The following THADA variants were observed in gnomAD, a reference collection of about 807,000 sequenced individuals.
The protein encoded by THADA is tRNA (32-2'-O)-methyltransferase regulator THADA.
A neutral mutation model predicts 219.8 loss-of-function variants in THADA; 213 were observed. The ratio of observed to expected loss-of-function variants is 0.97; its 90% CI spans 0.87 to 1.09. The LOEUF is 1.09. Among genes scored for constraint, THADA ranks in the 50% least tolerant of loss-of-function variants. THADA has a pLI of 0.00. For synonymous variants in THADA, 1,018 were observed against 828.9 expected (o/e 1.23, Z -3.92); for missense variants, 2,956 against 2,311.3 (o/e 1.28, Z -5.72).
chr2:43,579,400 CCAAA>C (rs1700180218), intron 8 of THADA, among the ~76,000 whole-genome samples: 2 of 152,180 alleles, frequency 1.3e-5, no homozygotes, highest in Admixed American at 1.3e-4. Context: ...CCCATAGCAA[CCAAA>C]CAGTTTTGAC....
chr2:43,554,013 CA>C (rs1558961039), intron 17 of THADA, among the ~76,000 whole-genome samples: 1 of 152,140 alleles, frequency 6.6e-6, no homozygotes, highest in African/African-American at 2.4e-5. Flanking sequence ...ATATACTAGA[CA>C]AAAGTCCCTT....
intron 26 of THADA, among the ~76,000 whole-genome samples, chr2:43,456,533 A>G (rs1683018266): frequency 6.6e-6 from 1 of 152,164 alleles, no homozygotes; most frequent in African/African-American, 2.4e-5. Flanking sequence ...CAACCTTGCT[A>G]AATAATTTTA....
At position 43,582,360 on chromosome 2, in the gene THADA, G is replaced by C. The variant is rs866266803; in HGVS notation, c.534-432C>G. Among the ~76,000 whole-genome samples the C allele has an allele frequency of 3.3e-5, 5 of 151,890 alleles. No homozygotes were observed. The South Asian group carries it at 1.0e-3, about 32-fold the overall frequency. ...AAAAATACAAAAATTAGCCAGGTGTGGTGGCACATGCCCGTAATCCCAGCT... is the reference window on the plus strand; with the variant it reads ...AAAAATACAAAAATTAGCCAGGTGTCGTGGCACATGCCCGTAATCCCAGCT... On this transcript the variant is annotated intron_variant, in intron 7 of 37. Transcript: ENST00000405975.
intron 29 of THADA, among the ~76,000 whole-genome samples, chr2:43,375,610 C>A (rs1671282299): frequency 6.6e-6 from 1 of 152,128 alleles, no homozygotes; most frequent in African/African-American, 2.4e-5. Flanking sequence ...GCATGCACTT[C>A]AAAATAATTT....
chr2:43,329,351 T>C, intron 30 of THADA, among the ~76,000 whole-genome samples: 1 of 152,082 alleles, frequency 6.6e-6, no homozygotes, highest in East Asian at 1.9e-4. Flanking sequence ...AAAGGATAAA[T>C]AGGTGAGGTG....
chr2:43,371,658 T>C (rs1011327561), intron 29 of THADA, among the ~76,000 whole-genome samples: 2 of 152,228 alleles, frequency 1.3e-5, no homozygotes, highest in African/African-American at 4.8e-5. Flanking sequence ...TTGATTCTTT[T>C]GTTAACTCAC....
chr2:43,327,100 GGATT>G (rs1360010707), intron 30 of THADA, among the ~76,000 whole-genome samples: 2 of 152,064 alleles, frequency 1.3e-5, no homozygotes, highest in African/African-American at 4.8e-5. Flanking sequence ...TAAAAACAGA[GGATT>G]GATTTGATTG....
intron 26 of THADA, among the ~76,000 whole-genome samples, chr2:43,479,697 A>G (rs1266886522): frequency 6.6e-6 from 1 of 152,134 alleles, no homozygotes; most frequent in Non-Finnish European, 1.5e-5. Flanking sequence ...TTCTAACCAG[A>G]AAACTAAGAT....
chr2:43,548,586 C>G (rs1440276093), intron 20 of THADA, among the ~76,000 whole-genome samples: 2 of 152,124 alleles, frequency 1.3e-5, no homozygotes, highest in Admixed American at 1.3e-4. Flanking sequence ...GCGCCCCTCC[C>G]CCAGCCTCGA....
At chr2:43,572,100 C>T (rs1024010687) in intron 12 of THADA, among the ~76,000 whole-genome samples, 4 of 152,064 alleles carry the variant, frequency 2.6e-5, no homozygotes, top group African/African-American at 9.7e-5. Flanking sequence ...ATTTTTATTC[C>T]GTGGTAATGC....
chr2:43,519,221 C>T (rs1168762626), intron 22 of THADA, among the ~76,000 whole-genome samples: 2 of 151,966 alleles, frequency 1.3e-5, no homozygotes, highest in Non-Finnish European at 2.9e-5. Context: ...CATGTTTTAT[C>T]AATATTTTTA....
At chr2:43,583,184 A>G (rs1333931789) in intron 7 of THADA, among the ~76,000 whole-genome samples, 2 of 152,228 alleles carry the variant, frequency 1.3e-5, no homozygotes, top group African/African-American at 4.8e-5. Flanking sequence ...TCTAACAGAC[A>G]TCTCTAAATG....
chr2:43,372,566 G>C (rs542801366), intron 29 of THADA, among the ~76,000 whole-genome samples: 21 of 152,100 alleles, frequency 1.4e-4, no homozygotes, highest in Non-Finnish European at 2.2e-4. Context: ...ATTGCAGAGT[G>C]TGAAGGTCCT....
intron 26 of THADA, among the ~76,000 whole-genome samples, chr2:43,460,456 T>A (rs1229907419): frequency 1.3e-5 from 2 of 151,930 alleles, no homozygotes; most frequent in East Asian, 3.9e-4. Flanking sequence ...CACTACCAAG[T>A]TGAAAAGCCA....
rs149740959 is a variant in THADA, at chr2:43,489,165, G to T, written c.3745-3840C>A. Among the ~76,000 whole-genome samples, 10 of 151,968 alleles carry T rather than the reference G, an allele frequency of 6.6e-5. No individual in the cohort carries two copies. The East Asian group carries it at 1.9e-3, about 29-fold the overall frequency. On this transcript the variant is annotated intron_variant, in intron 25 of 37. Transcript: ENST00000405975. ...CATTTTTTTTCTTGATGCTGGTTAA[G>T]CTTTATTTAAAAAAAATTTTTTTTA...
At chr2:43,356,879 C>T (rs1015466220) in intron 29 of THADA, among the ~76,000 whole-genome samples, 14 of 152,238 alleles carry the variant, frequency 9.2e-5, no homozygotes, top group Non-Finnish European at 1.8e-4. Context: ...GACTCCACCA[C>T]TCATTCTTGT....
At chr2:43,297,794 G>A (rs1483008084) in intron 31 of THADA, among the ~76,000 whole-genome samples, 2 of 110,906 alleles carry the variant, frequency 1.8e-5, no homozygotes, top group Non-Finnish European at 3.6e-5. Flanking sequence ...CCCCCCGCCC[G>A]GCCAGCCGCC....
intron 20 of THADA, among the ~76,000 whole-genome samples, chr2:43,547,666 G>C (rs941749242): frequency 4.6e-5 from 7 of 152,234 alleles, no homozygotes; most frequent in Non-Finnish European, 8.8e-5. Context: ...ATCGGCTCCT[G>C]AGGCTTCTGC....
intron 36 of THADA, among the ~76,000 whole-genome samples, chr2:43,236,089 G>A (rs566530409): frequency 1.5e-3 from 224 of 152,262 alleles, no homozygotes; most frequent in African/African-American, 5.0e-3. Context: ...GATTACAGGC[G>A]TGAGCCACCA....
Sources: allele counts gnomAD v4.1 joint callset (sites outside exome capture counted in the v4.1 genomes callset), GRCh38; gene constraint gnomAD v4.1.1; transcripts MANE v1.5; gene names NCBI Gene and HGNC (gene_info 2026-07-23, HGNC 2026-07-21).